The following VPS13B variants were observed in gnomAD, a reference collection of about 807,000 sequenced individuals.
VPS13B encodes the protein intermembrane lipid transfer protein VPS13B.
VPS13B carries 285 observed loss-of-function variants against 426.4 expected under a neutral mutation model. That is an observed-to-expected ratio of 0.67 (90% CI 0.61 to 0.74). The LOEUF (loss-of-function observed/expected upper bound fraction) is 0.74. Among genes scored for constraint, VPS13B ranks in the 30% least tolerant of loss-of-function variants. The pLI, the probability that VPS13B is intolerant of heterozygous loss-of-function variation, is 0.00. For synonymous variants in VPS13B, 1,676 were observed against 1,676.4 expected (o/e 1.00, Z 0.01); for missense variants, 4,537 against 4,782.6 (o/e 0.95, Z 1.51).
Position 99,871,713 on chromosome 8 carries a change from C to T in VPS13B, c.11745+16C>T. 6.2e-7 allele frequency: 1 copy of T among 1,612,816 alleles called. No homozygotes were observed. Among genetic ancestry groups the T allele is most frequent in the Non-Finnish European group, 8.5e-7 (1 of 1,179,984 alleles). On this transcript the variant is annotated intron_variant, in intron 61 of 61. Transcript: ENST00000357162. ...TGATGTGGAGGTACGTTTCAGAAAACAGGGCAACCAAGACTAGCTGGCCAG... is the reference window on the plus strand; with the variant it reads ...TGATGTGGAGGTACGTTTCAGAAAATAGGGCAACCAAGACTAGCTGGCCAG...
chr8:99,808,471 G>A (rs374406415), intron 43 of VPS13B, among the ~76,000 whole-genome samples: 4 of 146,378 alleles, frequency 2.7e-5, no homozygotes, highest in South Asian at 4.3e-4. Flanking sequence ...AGCTGAGATC[G>A]TGTCACTGCA....
At chr8:99,428,347 G>T (rs1816855994) in intron 21 of VPS13B, among the ~76,000 whole-genome samples, 1 of 152,116 alleles carries the variant, frequency 6.6e-6, no homozygotes, top group South Asian at 2.1e-4. Context: ...AGAGTGAACA[G>T]GCAACCTATA....
chr8:99,822,927 A>G (rs1032385795), intron 50 of VPS13B, among the ~76,000 whole-genome samples: 2 of 152,194 alleles, frequency 1.3e-5, no homozygotes, highest in African/African-American at 4.8e-5. Flanking sequence ...GATTAATAGC[A>G]TCTTACTATT....
chr8:99,318,711 C>T (rs1451565135), intron 19 of VPS13B, among the ~76,000 whole-genome samples: 19 of 151,916 alleles, frequency 1.3e-4, no homozygotes, highest in Admixed American at 2.6e-4. Context: ...TTATTAGAGA[C>T]GGGGTTTCAC....
chr8:99,306,486 G>A (rs1820643063), intron 19 of VPS13B, among the ~76,000 whole-genome samples: 1 of 152,016 alleles, frequency 6.6e-6, no homozygotes, highest in Non-Finnish European at 1.5e-5. Flanking sequence ...CTTGGTCCTG[G>A]TAGTGGGATA....
intron 23 of VPS13B, among the ~76,000 whole-genome samples, chr8:99,461,727 C>A (rs1395544989): frequency 6.6e-6 from 1 of 152,260 alleles, no homozygotes; most frequent in South Asian, 2.1e-4. Flanking sequence ...ACAGCTCACT[C>A]TCTGAAGAAT....
chr8:99,718,663 CT>C (rs945345348), intron 37 of VPS13B, among the ~76,000 whole-genome samples: 4 of 150,114 alleles, frequency 2.7e-5, no homozygotes, highest in Admixed American at 6.6e-5. Flanking sequence ...GAATTTTTTT[CT>C]TTTTTTCTTT....
At chr8:99,202,478 C>T (rs1814388883) in intron 17 of VPS13B, among the ~76,000 whole-genome samples, 1 of 152,104 alleles carries the variant, frequency 6.6e-6, no homozygotes, top group African/African-American at 2.4e-5. Flanking sequence ...TGGACACAGC[C>T]TCACAAAACT....
chr8:99,568,817 G>GTT lies in VPS13B; in HGVS notation c.4950-6830_4950-6829dup, dbSNP rs1208426365. 6.7e-3 allele frequency among the ~76,000 whole-genome samples: 917 copies of GTT among 136,994 alleles called. 7 individuals carry two copies. The highest frequency in any genetic ancestry group is 0.023 in the African/African-American group (860 of 37,534). The allele number at this position is 136,994 out of a possible 152,430, so 89.9% of individuals were successfully genotyped here. A position where few individuals can be genotyped will look rare whatever the true frequency, so the allele number is the denominator to read the frequency against. On this transcript the variant is annotated intron_variant, in intron 31 of 61. Coordinates refer to ENST00000357162, the MANE Select transcript of VPS13B (RefSeq NM_152564.5). ...ACCACAAGTTTTTTTTTGTTTTTTT[G>GTT]TTTTTTTTTTTTGAGATGGAGTCTT...
intron 24 of VPS13B, among the ~76,000 whole-genome samples, chr8:99,478,365 G>C (rs1346438768): frequency 1.4e-5 from 2 of 140,524 alleles, no homozygotes; most frequent in Non-Finnish European, 3.0e-5. Flanking sequence ...AACTGGATTT[G>C]TATCCTTGCA....
rs1819169224 is a variant in VPS13B, at chr8:99,467,471, G to A, written c.3503G>A (p.Gly1168Glu). ...AATTTCAGCATATATACCCTTCTTG[G>A]AAAACAAGTGACACTTTGCCTAGTG... ...LHNFSIYTLL[G>E]KQVTLCLVEP... Residue 1168 changes from glycine to glutamate, a missense_variant, in exon 24 of 62, where the codon GGA (glycine) becomes GAA (glutamate). By Grantham distance (98) the Gly-to-Glu change is moderately conservative. Transcript: ENST00000357162. 2 of 1,613,526 alleles carry A rather than the reference G, an allele frequency of 1.2e-6. No individual in the cohort carries two copies. The highest frequency in any genetic ancestry group is 3.3e-5 in the Admixed American group (2 of 59,934).
At chr8:99,211,061 C>A (rs1815063801) in intron 17 of VPS13B, among the ~76,000 whole-genome samples, 1 of 152,144 alleles carries the variant, frequency 6.6e-6, no homozygotes, top group African/African-American at 2.4e-5. Context: ...CCTCACTTCC[C>A]ACAAGCCCAT....
chr8:99,281,016 C>T (rs947631494), intron 19 of VPS13B, among the ~76,000 whole-genome samples: 3 of 152,104 alleles, frequency 2.0e-5, no homozygotes, highest in Admixed American at 6.5e-5. Context: ...GTTTTGGCGC[C>T]AGGGACCTGC....
At chr8:99,781,892 G>A (rs1271185974) in intron 42 of VPS13B, among the ~76,000 whole-genome samples, 1 of 152,076 alleles carries the variant, frequency 6.6e-6, no homozygotes, top group Non-Finnish European at 1.5e-5. Flanking sequence ...GCACTGAAAG[G>A]AAAGAAAAAT....
At chr8:99,874,413 C>CTCTT (rs1817588503) in intron 61 of VPS13B, among the ~76,000 whole-genome samples, 1 of 152,138 alleles carries the variant, frequency 6.6e-6, no homozygotes, top group Non-Finnish European at 1.5e-5. Flanking sequence ...TCTAGCAAGC[C>CTCTT]TCTTTACTAT....
chr8:99,416,130 A>G (rs1331058048), intron 21 of VPS13B, among the ~76,000 whole-genome samples: 1 of 152,164 alleles, frequency 6.6e-6, no homozygotes, highest in East Asian at 1.9e-4. Flanking sequence ...GGAGGAATCT[A>G]GAGAGGTAGT....
intron 33 of VPS13B, among the ~76,000 whole-genome samples, chr8:99,605,571 A>G (rs1827529434): frequency 6.6e-6 from 1 of 152,096 alleles, no homozygotes; most frequent in Non-Finnish European, 1.5e-5. Flanking sequence ...TCTGAAATTA[A>G]CTTCCCATCA....
At position 99,711,868 on chromosome 8, in the gene VPS13B, T is replaced by C. The variant is rs560333564; in HGVS notation, c.6455-5303T>C. 3.9e-5 allele frequency among the ~76,000 whole-genome samples: 6 copies of C among 152,328 alleles called. No homozygotes were observed. In the South Asian group the frequency reaches 1.0e-3, roughly 26 times the overall value. ...TAACCACTAACTTTTGGTTGAATAA[T>C]GGATACATGCCTACATAAATATCAA... On this transcript the variant is annotated intron_variant, in intron 36 of 61. Transcript: ENST00000357162.
chr8:99,634,131 A>G (rs1425956420), intron 33 of VPS13B, among the ~76,000 whole-genome samples: 1 of 151,962 alleles, frequency 6.6e-6, no homozygotes. Context: ...AACACACACA[A>G]AAGTCTAAAG....
Sources: gnomAD v4.1 joint callset for allele counts (sites outside exome capture counted in the v4.1 genomes callset) on GRCh38, gnomAD v4.1.1 for gene constraint, MANE v1.5 for transcripts, NCBI Gene and HGNC (gene_info 2026-07-23, HGNC 2026-07-21) for gene names.